NEBL: variants seen among roughly 807,000 people sequenced by gnomAD.
NEBL encodes nebulette.
In NEBL, 122 loss-of-function variants were observed where a neutral mutation model predicts 140.2. The ratio of observed to expected loss-of-function variants is 0.87; its 90% CI spans 0.75 to 1.01. NEBL has a LOEUF of 1.01. Among genes scored for constraint, NEBL ranks in the 50% least tolerant of loss-of-function variants. The pLI, the probability that NEBL is intolerant of heterozygous loss-of-function variation, is 0.00. For missense variants in NEBL, 1,365 were observed against 1,231.3 expected (o/e 1.11, Z -1.62); for synonymous variants, 436 against 398.9 (o/e 1.09, Z -1.11).
At chr10:21,227,705 TTCTTCTTTC>T (rs1332866870) in intron 3 of NEBL, among the ~76,000 whole-genome samples, 222 of 72,286 alleles carry the variant, frequency 3.1e-3, no homozygotes, top group Non-Finnish European at 3.6e-3. Context: ...CTTCTTCTTC[TTCTTCTTTC>T]TTCTTCTTCT....
chr10:21,062,279 G>C (rs735681), intron 2 of NEBL, among the ~76,000 whole-genome samples: 2,494 of 152,238 alleles, frequency 0.016, 65 homozygotes, highest in African/African-American at 0.057. Flanking sequence ...AGAAGTTAAG[G>C]GGAGGGGAAA....
intron 4 of NEBL, among the ~76,000 whole-genome samples, chr10:20,933,259 G>A (rs1050614703): frequency 6.6e-6 from 1 of 152,128 alleles, no homozygotes; most frequent in East Asian, 1.9e-4. Context: ...ATTGTTACCT[G>A]TGACCATGAA....
chr10:21,107,384 T>C (rs1837769369), intron 2 of NEBL, among the ~76,000 whole-genome samples: 1 of 152,188 alleles, frequency 6.6e-6, no homozygotes, highest in Non-Finnish European at 1.5e-5. Flanking sequence ...TGAAGACCTG[T>C]TGAATTTTGT....
At chr10:21,023,636 A>G (rs1589146046) in intron 2 of NEBL, among the ~76,000 whole-genome samples, 1 of 152,170 alleles carries the variant, frequency 6.6e-6, no homozygotes, top group Admixed American at 6.5e-5. Flanking sequence ...CGGAGGTTGC[A>G]GTGAGCCGAG....
chr10:20,992,676 C>T (rs886752645), intron 3 of NEBL, among the ~76,000 whole-genome samples: 1 of 151,376 alleles, frequency 6.6e-6, no homozygotes. Flanking sequence ...GAGCTGCCTT[C>T]CTTCCCTGAG....
chr10:20,933,314 G>C (rs1003718938), intron 4 of NEBL, among the ~76,000 whole-genome samples: 1 of 152,138 alleles, frequency 6.6e-6, no homozygotes, highest in African/African-American at 2.4e-5. Flanking sequence ...TTAAGAACTA[G>C]TTTTTTCACA....
intron 26 of NEBL, among the ~76,000 whole-genome samples, chr10:20,789,945 A>ATG (rs1050746382): frequency 6.0e-5 from 9 of 149,348 alleles, no homozygotes; most frequent in Non-Finnish European, 1.3e-4. Context: ...GTATATATAT[A>ATG]TGTGTGTGTA....
intron 2 of NEBL, among the ~76,000 whole-genome samples, chr10:21,069,499 G>C (rs1287577850): frequency 6.6e-6 from 1 of 152,118 alleles, no homozygotes; most frequent in Admixed American, 6.5e-5. Flanking sequence ...ACACCACAGC[G>C]CCCGCCAGGA....
At chr10:21,089,017 C>A (rs553197054) in intron 2 of NEBL, among the ~76,000 whole-genome samples, 1 of 152,214 alleles carries the variant, frequency 6.6e-6, no homozygotes, top group South Asian at 2.1e-4. Flanking sequence ...GGTCCCCTGG[C>A]ACTCTCAATG....
chr10:21,148,631 T>C (rs1367808310), intron 2 of NEBL, among the ~76,000 whole-genome samples: 2 of 152,216 alleles, frequency 1.3e-5, no homozygotes, highest in South Asian at 2.1e-4. Flanking sequence ...GTGGAAGCGA[T>C]TGGCCTGCCT....
intron 3 of NEBL, among the ~76,000 whole-genome samples, chr10:21,189,682 T>C (rs1841541497): frequency 2.0e-5 from 3 of 152,134 alleles, no homozygotes; most frequent in South Asian, 4.1e-4. Flanking sequence ...TTAGCCAGGA[T>C]GGTCTTGATC....
Position 21,261,582 on chromosome 10 carries a change from G to A in NEBL, n.183-9754C>T, listed in dbSNP as rs140428823. 6.0e-3 allele frequency among the ~76,000 whole-genome samples: 906 copies of A among 151,938 alleles called. 9 individuals are homozygous for A. Among genetic ancestry groups the A allele is most frequent in the Non-Finnish European group, 0.01 (700 of 67,980 alleles). On this transcript the variant is annotated intron_variant and non_coding_transcript_variant, in intron 1 of 8. Transcript: ENST00000675702. ...GGATTGCTTAGGCCCGGGAGGCTGA[G>A]GCTGCAGTGAGCCATGACCACACCA...
At chr10:20,943,582 A>C (rs1835008197) in intron 4 of NEBL, among the ~76,000 whole-genome samples, 1 of 152,174 alleles carries the variant, frequency 6.6e-6, no homozygotes, top group Non-Finnish European at 1.5e-5. Flanking sequence ...TAAAAGTTAA[A>C]GTATAATAAT....
chr10:20,902,990 C>T (rs889384619), intron 4 of NEBL, among the ~76,000 whole-genome samples: 11 of 152,166 alleles, frequency 7.2e-5, no homozygotes, highest in Admixed American at 2.0e-4. Context: ...AACTACTTCA[C>T]GATTCCATAA....
At chr10:21,240,622 C>A (rs1420414759) in intron 3 of NEBL, among the ~76,000 whole-genome samples, 9 of 150,328 alleles carry the variant, frequency 6.0e-5, no homozygotes, top group Admixed American at 5.3e-4. Flanking sequence ...TTGTCACACA[C>A]AAAAAAAAGC....
At chr10:20,963,725 T>C (rs904639743) in intron 3 of NEBL, among the ~76,000 whole-genome samples, 1 of 152,184 alleles carries the variant, frequency 6.6e-6, no homozygotes, top group African/African-American at 2.4e-5. Flanking sequence ...AGCTGACTAC[T>C]GTTCAACAAT....
At chr10:21,009,649 T>A (rs1186608236) in intron 3 of NEBL, among the ~76,000 whole-genome samples, 1 of 152,228 alleles carries the variant, frequency 6.6e-6, no homozygotes, top group East Asian at 1.9e-4. Flanking sequence ...AGTATCTCAT[T>A]TCAGAATACA....
chr10:21,085,091 A>G (rs58384368), intron 2 of NEBL, among the ~76,000 whole-genome samples: 84 of 152,240 alleles, frequency 5.5e-4, no homozygotes, highest in African/African-American at 2.0e-3. Flanking sequence ...AACCAATACC[A>G]CTTGGAAGAC....
At chr10:21,191,147 T>C (rs1213848896) in intron 3 of NEBL, among the ~76,000 whole-genome samples, 1 of 152,216 alleles carries the variant, frequency 6.6e-6, no homozygotes. Context: ...CAGGTGTTCT[T>C]ACTCAATTTG....
Sources: gnomAD v4.1 joint callset for allele counts (sites outside exome capture counted in the v4.1 genomes callset) on GRCh38, gnomAD v4.1.1 for gene constraint, MANE v1.5 for transcripts, NCBI Gene and HGNC (gene_info 2026-07-23, HGNC 2026-07-21) for gene names.